LRIG1: variants seen among roughly 807,000 people sequenced by gnomAD.
LRIG1 encodes leucine rich repeats and immunoglobulin like domains 1, also known as leucine-rich repeats and immunoglobulin-like domains protein 1.
In LRIG1, 48 loss-of-function variants were observed where a neutral mutation model predicts 99.2. The observed-to-expected ratio is 0.48, with a 90% CI of 0.38 to 0.62. The LOEUF is 0.62. LRIG1 is among the 20% of genes least tolerant of loss of function. LRIG1 has a pLI of 0.00. For synonymous variants in LRIG1, 772 were observed against 596.1 expected, an observed-to-expected ratio of 1.29 and a Z score of -4.30; for missense variants, 1,646 against 1,434.4, an observed-to-expected ratio of 1.15 and a Z score of -2.38.
intron 3 of LRIG1, among the ~76,000 whole-genome samples, chr3:66,434,427 C>T (rs1376126387): frequency 6.6e-6 from 1 of 152,164 alleles, no homozygotes; most frequent in East Asian, 1.9e-4. Flanking sequence ...CACTGCACAC[C>T]TATCAGAATG....
chr3:66,465,531 T>A (rs1700454436), intron 1 of LRIG1, among the ~76,000 whole-genome samples: 1 of 151,410 alleles, frequency 6.6e-6, no homozygotes, highest in Non-Finnish European at 1.5e-5. Context: ...GCCCGGCTAA[T>A]TTTTTTGTAT....
chr3:66,382,753 G>A lies in LRIG1; in HGVS notation c.2491+229C>T, dbSNP rs149259706. On this transcript the variant is annotated intron_variant, in intron 15 of 18. Coordinates refer to ENST00000273261, the MANE Select transcript of LRIG1 (RefSeq NM_015541.3). The stretch of plus-strand genomic sequence containing the variant: ...TTAGCAAGGAGAGGGAAAACTGCAT[G>A]GTGCGTCAGTTACTTGTATTTGTGA... Among the ~76,000 whole-genome samples, 20 of 152,322 alleles carry A rather than the reference G, an allele frequency of 1.3e-4. No individual in the cohort carries two copies. The East Asian group carries it at 3.1e-3, about 23-fold the overall frequency.
intron 16 of LRIG1, 97 bp downstream of exon 16, chr3:66,382,176 A>C: frequency 6.9e-7 from 1 of 1,449,098 alleles, no homozygotes; most frequent in South Asian, 1.2e-5. Flanking sequence ...GCCCCATCTA[A>C]TGCCAGGTAC....
chr3:66,425,077 C>T (rs116349429), intron 3 of LRIG1, among the ~76,000 whole-genome samples: 8,549 of 152,240 alleles, frequency 0.056, 302 homozygotes, highest in South Asian at 0.14. Context: ...TATACTTAGG[C>T]AATTGAAGAA....
At position 66,384,229 on chromosome 3, in the gene LRIG1, C is replaced by A. The variant is rs1297035187; in HGVS notation, c.1833G>T (p.Arg611=). The A allele has an allele frequency of 3.1e-6, 5 of 1,613,768 alleles. No homozygotes were observed. Among genetic ancestry groups the A allele is most frequent in the Non-Finnish European group, 4.2e-6 (5 of 1,179,876 alleles). ...FTKTPHDITI[R]TTTMARLECA... ...ATTCGAGGCGGGCCATGGTGGTGGTCCGGATGGTTATGTCGTGGGGCGTTT... is the reference window on the plus strand; with the variant it reads ...ATTCGAGGCGGGCCATGGTGGTGGTACGGATGGTTATGTCGTGGGGCGTTT... The change falls in exon 14 of 19, where the codon CGG becomes CGT. Residue 611 remains arginine, a synonymous_variant. Transcript: ENST00000273261.
intron 1 of LRIG1, among the ~76,000 whole-genome samples, chr3:66,470,874 G>GGTTTT (rs550988687): frequency 6.6e-6 from 1 of 152,076 alleles, no homozygotes. Context: ...AGCTATAATG[G>GGTTTT]GTTTTGTTTT....
chr3:66,393,874 A>T (rs1169439664), intron 12 of LRIG1, among the ~76,000 whole-genome samples, 166 bp downstream of exon 12: 1 of 152,200 alleles, frequency 6.6e-6, no homozygotes, highest in Non-Finnish European at 1.5e-5. Flanking sequence ...ACTCTACGGT[A>T]AATACTGTGT....
chr3:66,468,350 A>G (rs1700521691), intron 1 of LRIG1, among the ~76,000 whole-genome samples: 1 of 152,210 alleles, frequency 6.6e-6, no homozygotes, highest in Admixed American at 6.5e-5. Flanking sequence ...AGAGGAGCGC[A>G]ACCCATGGCT....
intron 1 of LRIG1, among the ~76,000 whole-genome samples, chr3:66,487,959 TC>T (rs1295753815): frequency 3.9e-5 from 6 of 152,036 alleles, no homozygotes; most frequent in African/African-American, 1.4e-4. Context: ...TTTAGTTGTA[TC>T]CCCAAACAAA....
chr3:66,402,917 G>C (rs1702115080), intron 9 of LRIG1, among the ~76,000 whole-genome samples: 2 of 152,126 alleles, frequency 1.3e-5, no homozygotes. Flanking sequence ...GAGGCACTGG[G>C]TTCTTCCTCT....
intron 8 of LRIG1, 33 bp downstream of exon 8, chr3:66,407,315 A>AC (rs773927782): frequency 8.1e-6 from 13 of 1,613,052 alleles, no homozygotes; most frequent in Admixed American, 1.7e-5. Flanking sequence ...CCCACTGGGG[A>AC]CCCCTTTATC....
Position 66,379,489 on chromosome 3 carries a change from T to TTTATCATAAAATA in LRIG1, c.*761_*773dup, listed in dbSNP as rs1700904074. 1 of 152,164 alleles carries TTTATCATAAAATA rather than the reference T, an allele frequency of 6.6e-6. No homozygotes were observed. The highest frequency in any genetic ancestry group is 1.5e-5 in the Non-Finnish European group (1 of 68,044). 9.4% of individuals were successfully genotyped at this position (152,164 alleles called of 1,614,324 possible). On this transcript the variant is annotated 3_prime_UTR_variant, in exon 19 of 19. Coordinates refer to ENST00000273261, the MANE Select transcript of LRIG1 (RefSeq NM_015541.3). ...TGATACTGAGAAGGCCACATTTGCTTTTATCATAAAATAAGAGGAGGAGGA... is the reference window on the plus strand; with the variant it reads ...TGATACTGAGAAGGCCACATTTGCTTTTATCATAAAATATTATCATAAAATAAGAGGAGGAGGA...
intron 12 of LRIG1, among the ~76,000 whole-genome samples, chr3:66,388,911 C>T (rs1018093363): frequency 6.6e-6 from 1 of 151,974 alleles, no homozygotes; most frequent in Non-Finnish European, 1.5e-5. Context: ...AACTCCAATC[C>T]ACACCAAGAA....
chr3:66,469,630 T>A (rs572231285), intron 1 of LRIG1, among the ~76,000 whole-genome samples: 7 of 152,316 alleles, frequency 4.6e-5, no homozygotes, highest in African/African-American at 1.4e-4. Flanking sequence ...AGTACAAGTC[T>A]ACATCTTTTC....
chr3:66,491,515 A>G (rs1227066451), intron 1 of LRIG1, among the ~76,000 whole-genome samples: 1 of 152,228 alleles, frequency 6.6e-6, no homozygotes, highest in African/African-American at 2.4e-5. Context: ...GTGCACACAG[A>G]ATGTGCCCAA....
intron 8 of LRIG1, chr3:66,405,771 C>A (rs1403836532): frequency 1.7e-6 from 2 of 1,179,762 alleles, no homozygotes; most frequent in South Asian, 1.7e-5. Flanking sequence ...GGGTCTGGAG[C>A]CCGGAGCCCA....
chr3:66,471,286 C>CTTA (rs1700589556), intron 1 of LRIG1, among the ~76,000 whole-genome samples: 1 of 152,212 alleles, frequency 6.6e-6, no homozygotes, highest in African/African-American at 2.4e-5. Context: ...TCTACTTTAT[C>CTTA]ATCTCCAAAA....
rs1701327445 is a variant in LRIG1 at position 66,500,286 on chromosome 3, C to A, written c.122G>T (p.Cys41Phe). The A allele has an allele frequency of 6.8e-7, 1 of 1,480,808 alleles. No individual in the cohort carries two copies. Among genetic ancestry groups the A allele is most frequent in the Non-Finnish European group, 8.9e-7 (1 of 1,121,818 alleles). 91.7% of individuals were successfully genotyped at this position (1,480,808 alleles called of 1,614,324 possible). A position where few individuals can be genotyped will look rare whatever the true frequency, so the allele number is the denominator to read the frequency against. Reference protein sequence around the residue: ...VTAAAGPRAPCAAACTCAGDS... With the variant: ...VTAAAGPRAPFAAACTCAGDS... ...CCCAGCGCAAGTGCAGGCGGCCGCG[C>A]AGGGCGCCCGCGGGCCGGCCGCGGC... The change falls in exon 1 of 19, where the codon TGC (cysteine) becomes TTC (phenylalanine). Residue 41 changes from cysteine (C) to phenylalanine (F), a missense_variant. Transcript: ENST00000273261.
chr3:66,470,914 G>A (rs1335022437), intron 1 of LRIG1, among the ~76,000 whole-genome samples: 2 of 152,176 alleles, frequency 1.3e-5, no homozygotes, highest in East Asian at 3.8e-4. Flanking sequence ...CATCTTTAGT[G>A]CAGTTTAGTA....
Sources: allele counts gnomAD v4.1 joint callset (sites outside exome capture counted in the v4.1 genomes callset), GRCh38; gene constraint gnomAD v4.1.1; transcripts MANE v1.5; gene names NCBI Gene and HGNC (gene_info 2026-07-23, HGNC 2026-07-21).